Variants in ZFHX3 observed in about 807,000 individuals in gnomAD.
The protein encoded by ZFHX3 is zinc finger homeobox protein 3.
Under a neutral mutation model 279.1 loss-of-function variants are expected in ZFHX3, and 42 were observed. That is an observed-to-expected ratio of 0.15 (90% CI 0.12 to 0.19). The LOEUF is 0.19. Among genes scored for constraint, ZFHX3 ranks in the 10% least tolerant of loss-of-function variants. The pLI, the probability that ZFHX3 is intolerant of heterozygous loss-of-function variation, is 1.00. For synonymous variants in ZFHX3, 2,293 were observed against 1,957.8 expected (o/e 1.17, Z -4.52); for missense variants, 4,981 against 4,754.0 (o/e 1.05, Z -1.40).
chr16:72,829,966 C>G, intron 4 of ZFHX3, 107 bp from the exon 5 acceptor site: 6 of 1,142,258 alleles, frequency 5.3e-6, no homozygotes, highest in Non-Finnish European at 7.7e-6. Flanking sequence ...ACCAATGACT[C>G]GTCCCCCTTC....
chr16:73,483,930 GTTTT>G (rs1220305940), intron 2 of ZFHX3, among the ~76,000 whole-genome samples: 1,535 of 129,924 alleles, frequency 0.012, 27 homozygotes, highest in African/African-American at 0.04. Context: ...CTCTGCCTTT[GTTTT>G]TTTTTTTTTT....
intron 3 of ZFHX3, among the ~76,000 whole-genome samples, chr16:72,918,006 C>G (rs1378078873): frequency 6.7e-6 from 1 of 149,560 alleles, no homozygotes; most frequent in Admixed American, 6.6e-5. Context: ...GTTCCTTCCC[C>G]AGGTTGAGGG....
At chr16:73,800,330 G>A (rs567287371) in intron 1 of ZFHX3, among the ~76,000 whole-genome samples, 7 of 151,856 alleles carry the variant, frequency 4.6e-5, no homozygotes, top group South Asian at 4.2e-4. Context: ...CAATTCTCCC[G>A]TCTCAGCCTT....
chr16:72,989,711 C>G (rs888556219), intron 1 of ZFHX3, among the ~76,000 whole-genome samples: 1 of 152,182 alleles, frequency 6.6e-6, no homozygotes, highest in Non-Finnish European at 1.5e-5. Context: ...ACAGGAGAAG[C>G]AAGATGCAGC....
intron 4 of ZFHX3, among the ~76,000 whole-genome samples, chr16:73,310,829 C>G (rs896196481): frequency 2.6e-5 from 4 of 151,940 alleles, no homozygotes; most frequent in South Asian, 2.1e-4. Context: ...TCAATTATAA[C>G]TTGATATAGG....
At position 73,854,372 on chromosome 16, in the gene ZFHX3, C is replaced by A. The variant is rs180744631; in HGVS notation, c.-1608+37279G>T. 8.5e-4 allele frequency among the ~76,000 whole-genome samples: 129 copies of A among 152,044 alleles called. 1 individual carries two copies. The highest frequency in any genetic ancestry group is 2.7e-3 in the African/African-American group (110 of 41,488). ...GACACTTCGCCTCTACTAAAAAATA[C>A]AAAAATTAGCTGGGCGTGGTAGGAG... On this transcript the variant is annotated intron_variant, in intron 1 of 17. Transcript: ENST00000641206.
At chr16:73,146,298 C>G (rs575095069) in intron 5 of ZFHX3, among the ~76,000 whole-genome samples, 101 of 152,162 alleles carry the variant, frequency 6.6e-4, no homozygotes, top group African/African-American at 2.0e-3. Flanking sequence ...CGTGGTGGCA[C>G]ATGCTTGTAG....
intron 3 of ZFHX3, among the ~76,000 whole-genome samples, chr16:73,323,123 G>T (rs897487557): frequency 9.2e-5 from 14 of 152,252 alleles, no homozygotes; most frequent in Admixed American, 5.2e-4. Context: ...GAAGGAGAGC[G>T]ATCATCATGG....
At chr16:73,503,636 T>C (rs912383144) in intron 2 of ZFHX3, among the ~76,000 whole-genome samples, 4 of 152,090 alleles carry the variant, frequency 2.6e-5, no homozygotes, top group East Asian at 1.9e-4. Context: ...ATTTCCTGAA[T>C]AGGGGAATGG....
chr16:73,378,590 T>C (rs2016765229), intron 3 of ZFHX3, among the ~76,000 whole-genome samples: 1 of 152,344 alleles, frequency 6.6e-6, no homozygotes, highest in Non-Finnish European at 1.5e-5. Context: ...AAGACATGCT[T>C]CTTGCTTCCC....
chr16:72,933,880 G>A (rs1055749348), intron 3 of ZFHX3, among the ~76,000 whole-genome samples: 68 of 143,228 alleles, frequency 4.7e-4, no homozygotes, highest in African/African-American at 1.4e-3. Context: ...GTGCAGTGTC[G>A]CGATCTCGGC....
At chr16:72,988,993 T>C (rs970788586) in intron 1 of ZFHX3, among the ~76,000 whole-genome samples, 3 of 151,936 alleles carry the variant, frequency 2.0e-5, no homozygotes, top group African/African-American at 7.3e-5. Context: ...CTGGACAACA[T>C]AGGGAGACCC....
At chr16:72,868,157 G>A (rs4788669) in intron 4 of ZFHX3, among the ~76,000 whole-genome samples, 147,453 of 152,312 alleles carry the variant, frequency 0.97, 71,775 homozygotes, top group Middle Eastern at 1. Flanking sequence ...ATACATAAAT[G>A]TAATTGGGTG....
rs140075762 is a variant in ZFHX3, at chr16:73,738,022, G to A, written c.-1607-57782C>T. Among the ~76,000 whole-genome samples the A allele has an allele frequency of 4.6e-3, 694 of 152,224 alleles. 4 individuals carry two copies. The highest frequency in any genetic ancestry group is 0.016 in the African/African-American group (659 of 41,546). On this transcript the variant is annotated intron_variant, in intron 1 of 17. Transcript: ENST00000641206. Reference sequence around the variant, plus strand: ...CGTTGAGATTTTGGGGGATTATCATGGGATTTTATTGATTTATGCCCTCCA... The same window carrying A: ...CGTTGAGATTTTGGGGGATTATCATAGGATTTTATTGATTTATGCCCTCCA...
chr16:72,957,400 AACAG>A (rs1283673008), intron 2 of ZFHX3, 23 bp downstream of exon 2: 1 of 1,569,676 alleles, frequency 6.4e-7, no homozygotes, highest in Admixed American at 1.8e-5. Flanking sequence ...CTATCATGAA[AACAG>A]ACAAACACGT....
At chr16:73,739,095 C>A (rs1481435742) in intron 1 of ZFHX3, among the ~76,000 whole-genome samples, 3 of 152,190 alleles carry the variant, frequency 2.0e-5, no homozygotes, top group Admixed American at 2.0e-4. Context: ...CTTTGCCTGG[C>A]CTCACTATTC....
In ZFHX3 at chr16:73,337,901, G is replaced by GC. The variant is rs1567454351; in HGVS notation, c.-1290-19566_-1290-19565insG. Among the ~76,000 whole-genome samples the GC allele has an allele frequency of 1.5e-5, 2 of 134,004 alleles. 1 individual carries two copies. The highest frequency in any genetic ancestry group is 3.2e-5 in the Non-Finnish European group (2 of 61,584). 87.9% of individuals were successfully genotyped at this position (134,004 alleles called of 152,430 possible). A position where few individuals can be genotyped will look rare whatever the true frequency, so the allele number is the denominator to read the frequency against. ...CTTCATCTTCCCTTGGCGGGGGGGG[G>GC]GGTCCTCATCCCCTTTTTATGCCCA... On this transcript the variant is annotated intron_variant, in intron 3 of 17. Transcript: ENST00000641206.
intron 1 of ZFHX3, chr16:73,014,930 G>C (rs1597093079): frequency 6.6e-6 from 1 of 152,084 alleles, no homozygotes; most frequent in South Asian, 2.1e-4. Context: ...CCTACCAAGG[G>C]GTTCACACTA....
intron 1 of ZFHX3, among the ~76,000 whole-genome samples, chr16:73,706,432 G>A (rs934082108): frequency 2.0e-5 from 3 of 149,042 alleles, no homozygotes; most frequent in Non-Finnish European, 4.4e-5. Context: ...CTCCAGCCTG[G>A]GTGACAAGAG....
Sources: gnomAD v4.1 joint callset for allele counts (sites outside exome capture counted in the v4.1 genomes callset) on GRCh38, gnomAD v4.1.1 for gene constraint, MANE v1.5 for transcripts, NCBI Gene and HGNC (gene_info 2026-07-23, HGNC 2026-07-21) for gene names.